GPC5: variants seen among roughly 807,000 people sequenced by gnomAD.
GPC5 encodes glypican 5.
Under a neutral mutation model 53.9 loss-of-function variants are expected in GPC5, and 47 were observed. That is an observed-to-expected ratio of 0.87 (90% CI 0.69 to 1.11). GPC5 has a LOEUF of 1.11. GPC5 is among the 50% of genes most tolerant of loss of function. The pLI, the probability that GPC5 is intolerant of heterozygous loss-of-function variation, is 0.00. For synonymous variants in GPC5, 286 were observed against 263.3 expected, an observed-to-expected ratio of 1.09 and a Z score of -0.84; for missense variants, 748 against 713.1, an observed-to-expected ratio of 1.05 and a Z score of -0.56.
intron 7 of GPC5, among the ~76,000 whole-genome samples, chr13:92,745,782 A>G (rs1275718107): frequency 2.0e-5 from 3 of 152,112 alleles, no homozygotes; most frequent in African/African-American, 7.2e-5. Context: ...TTTCGAAACT[A>G]ATAAATTTTC....
At position 92,462,242 on chromosome 13, in the gene GPC5, C is replaced by T. The variant is rs181296939; in HGVS notation, c.1561+317253C>T. Among the ~76,000 whole-genome samples, 103 of 152,106 alleles carry T rather than the reference C, an allele frequency of 6.8e-4. 1 individual carries two copies. Among genetic ancestry groups the T allele is most frequent in the Admixed American group, 5.8e-3 (88 of 15,280 alleles). The stretch of plus-strand genomic sequence containing the variant: ...CTCATTGAAAACAGACTACAGGGTT[C>T]GAGGTGGAAGCAGAGGCACCAATGA... On this transcript the variant is annotated intron_variant, in intron 7 of 7. Transcript: ENST00000377067.
At position 92,295,514 on chromosome 13, in the gene GPC5, A is replaced by C. The variant is rs571296402; in HGVS notation, c.1561+150525A>C. ...GTTTAAATCCATTGTTTCTTTGTTG[A>C]CTTTCTGTCTTGATGACCTGTCTAG... is the stretch of plus-strand genomic sequence containing the variant. On this transcript the variant is annotated intron_variant, in intron 7 of 7. Transcript: ENST00000377067. Among the ~76,000 whole-genome samples the C allele has an allele frequency of 5.9e-5, 9 of 152,192 alleles. 2 individuals carry two copies. In the South Asian group the frequency reaches 1.9e-3, roughly 32 times the overall value.
intron 2 of GPC5, among the ~76,000 whole-genome samples, chr13:91,612,481 C>A (rs137859200): frequency 6.6e-6 from 1 of 152,096 alleles, no homozygotes; most frequent in African/African-American, 2.4e-5. Context: ...TTCTATGGAG[C>A]AGATATGAAG....
intron 7 of GPC5, among the ~76,000 whole-genome samples, chr13:92,385,662 T>TATATACATATATACAC (rs1555331981): frequency 7.1e-6 from 1 of 141,770 alleles, no homozygotes; most frequent in African/African-American, 2.6e-5. Flanking sequence ...CATATATATA[T>TATATACATATATACAC]ACATATATAC....
intron 3 of GPC5, among the ~76,000 whole-genome samples, chr13:91,723,470 C>A: frequency 2.3e-5 from 1 of 43,474 alleles, no homozygotes; most frequent in Admixed American, 2.8e-4. Context: ...GAATTAATCT[C>A]TCCCTCCAAA....
intron 2 of GPC5, among the ~76,000 whole-genome samples, chr13:91,616,312 CA>C (rs148821386): frequency 0.085 from 12,901 of 152,036 alleles, 741 homozygotes; most frequent in Non-Finnish European, 0.13. Flanking sequence ...TCAAACTAAA[CA>C]AATCAAGACT....
chr13:91,772,227 G>A (rs187538669), intron 5 of GPC5, among the ~76,000 whole-genome samples: 2 of 152,228 alleles, frequency 1.3e-5, no homozygotes, highest in East Asian at 3.9e-4. Flanking sequence ...GTTTATCAGT[G>A]AATGATTTAC....
chr13:91,653,757 TA>T (rs1228289635), intron 2 of GPC5, among the ~76,000 whole-genome samples: 2 of 152,152 alleles, frequency 1.3e-5, no homozygotes, highest in Non-Finnish European at 2.9e-5. Flanking sequence ...TATGATTAAT[TA>T]AATCACATCT....
At chr13:92,083,466 TAAAGAA>T (rs913220496) in intron 6 of GPC5, among the ~76,000 whole-genome samples, 2 of 152,042 alleles carry the variant, frequency 1.3e-5, no homozygotes, top group Admixed American at 1.3e-4. Context: ...CAGAAGGATT[TAAAGAA>T]AGAGAGGTAT....
intron 6 of GPC5, among the ~76,000 whole-genome samples, chr13:92,008,273 A>G (rs963668397): frequency 2.0e-5 from 3 of 152,028 alleles, no homozygotes; most frequent in South Asian, 2.1e-4. Context: ...CGTGTTAGCC[A>G]GGATGGTCTG....
chr13:92,265,490 T>C (rs2042796683), intron 7 of GPC5, among the ~76,000 whole-genome samples: 1 of 152,174 alleles, frequency 6.6e-6, no homozygotes, highest in Non-Finnish European at 1.5e-5. Context: ...TTTCCTCATT[T>C]ATCTCTAAGA....
chr13:91,921,139 G>A (rs2039709748), intron 6 of GPC5, among the ~76,000 whole-genome samples: 1 of 151,820 alleles, frequency 6.6e-6, no homozygotes, highest in South Asian at 2.1e-4. Flanking sequence ...GTTTCACTGT[G>A]TTGGCCAGGC....
intron 4 of GPC5, among the ~76,000 whole-genome samples, chr13:91,740,236 T>A (rs1346042399): frequency 1.3e-5 from 2 of 152,180 alleles, no homozygotes; most frequent in Admixed American, 6.5e-5. Flanking sequence ...CTAAAATAAA[T>A]GCAGAATGAG....
At chr13:91,814,769 G>A (rs1340225570) in intron 5 of GPC5, among the ~76,000 whole-genome samples, 1 of 151,998 alleles carries the variant, frequency 6.6e-6, no homozygotes, top group Non-Finnish European at 1.5e-5. Context: ...TTGAACTCCT[G>A]ACTTCAGGTG....
At chr13:91,664,233 G>A (rs2035052362) in intron 2 of GPC5, among the ~76,000 whole-genome samples, 1 of 152,158 alleles carries the variant, frequency 6.6e-6, no homozygotes, top group Admixed American at 6.5e-5. Flanking sequence ...CACACTTCAG[G>A]CAGGTTAATT....
intron 3 of GPC5, among the ~76,000 whole-genome samples, chr13:91,697,143 A>AT (rs1019469856): frequency 6.6e-6 from 1 of 151,938 alleles, no homozygotes; most frequent in Non-Finnish European, 1.5e-5. Context: ...ATTTATCTGA[A>AT]TTTTTTTTCT....
At chr13:91,861,783 G>A (rs896250837) in intron 5 of GPC5, among the ~76,000 whole-genome samples, 1 of 121,806 alleles carries the variant, frequency 8.2e-6, no homozygotes, top group Admixed American at 8.5e-5. Context: ...TTGTTTAATT[G>A]TGTTTTAAGT....
intron 7 of GPC5, among the ~76,000 whole-genome samples, chr13:92,704,820 TAC>T (rs2139257637): frequency 2.0e-5 from 3 of 151,128 alleles, no homozygotes; most frequent in Non-Finnish European, 4.4e-5. Context: ...TATATATACT[TAC>T]ATATATATAC....
At chr13:91,464,845 T>A (rs1379143964) in intron 2 of GPC5, among the ~76,000 whole-genome samples, 1 of 152,012 alleles carries the variant, frequency 6.6e-6, no homozygotes, top group African/African-American at 2.4e-5. Flanking sequence ...GCATACAAAA[T>A]CTGAGTAAGC....
Sources: allele counts gnomAD v4.1 joint callset (sites outside exome capture counted in the v4.1 genomes callset), GRCh38; gene constraint gnomAD v4.1.1; transcripts MANE v1.5; gene names NCBI Gene and HGNC (gene_info 2026-07-23, HGNC 2026-07-21).